TEX11: variants seen among roughly 807,000 people sequenced by gnomAD.
TEX11 encodes the protein testis expressed 11, also known as testis-expressed protein 11.
TEX11 carries 7 observed loss-of-function variants against 84.4 expected under a neutral mutation model. The ratio of observed to expected loss-of-function variants is 0.08; its 90% confidence interval spans 0.05 to 0.16. The LOEUF (loss-of-function observed/expected upper bound fraction) is 0.16. TEX11 is among the 10% of genes least tolerant of loss of function. TEX11 has a pLI of 1.00. For missense variants in TEX11, 551 were observed against 660.5 expected (o/e 0.83, Z 1.82); for synonymous variants, 264 against 222.8 (o/e 1.18, Z -1.64).
At position 70,607,043 on chromosome X, in the gene TEX11, T is replaced by C; in HGVS notation, c.1880-14A>G. On this transcript the variant is annotated splice_polypyrimidine_tract_variant and intron_variant, in intron 22 of 29. Transcript: ENST00000374333. ...CCAAGTTCCAAGCTGGAAATTAACA[T>C]GAAATAACATAATAATATGAAATTA... 8.7e-7 allele frequency: 1 copy of C among 1,149,288 alleles called. No homozygotes were observed. Among genetic ancestry groups the C allele is most frequent in the African/African-American group, 1.8e-5 (1 of 56,133 alleles). 94.7% of individuals were successfully genotyped at this position (1,149,288 alleles called of 1,213,427 possible).
intron 25 of TEX11, among the ~76,000 whole-genome samples, chrX:70,572,523 A>G (rs1253887079): frequency 6.3e-5 from 7 of 111,145 alleles, no homozygotes; most frequent in Non-Finnish European, 1.3e-4. Context: ...AAGATTTTAA[A>G]TCATGCTGCT....
chrX:70,684,747 C>T (rs1348126927), intron 13 of TEX11, among the ~76,000 whole-genome samples: 1 of 111,865 alleles, frequency 8.9e-6, no homozygotes, highest in Admixed American at 9.5e-5. Flanking sequence ...TCTACAAATG[C>T]AAGGAAATCC....
At chrX:70,815,474 G>A (rs1281183019) in intron 8 of TEX11, among the ~76,000 whole-genome samples, 4 of 111,074 alleles carry the variant, frequency 3.6e-5, no homozygotes, top group Admixed American at 1.9e-4. Context: ...AGAAGGGTGA[G>A]TATAATAAAA....
At chrX:70,568,577 G>A (rs191518599) in intron 25 of TEX11, among the ~76,000 whole-genome samples, 44 of 110,167 alleles carry the variant, frequency 4.0e-4, no homozygotes, top group Non-Finnish European at 5.7e-4. Context: ...TGCTTCCTTC[G>A]GGAGCTCTTT....
At chrX:70,724,169 C>T in intron 12 of TEX11, 2 of 752,860 alleles carry the variant, frequency 2.7e-6, no homozygotes, top group Non-Finnish European at 3.1e-6. Flanking sequence ...CCTATGTTGT[C>T]TTAGTTGGAG....
intron 20 of TEX11, among the ~76,000 whole-genome samples, chrX:70,617,949 T>C (rs1487643222): frequency 8.9e-6 from 1 of 112,179 alleles, no homozygotes; most frequent in African/African-American, 3.2e-5. Context: ...CTATAAACAG[T>C]TCTCAACTGA....
At chrX:70,518,116 A>G in the TEX11 span, among the ~76,000 whole-genome samples, 7,133 of 106,623 alleles carry the variant, frequency 0.067, 394 homozygotes, top group African/African-American at 0.18. Context: ...TTGTGTCTCT[A>G]TCTCCTTCAG....
chrX:70,577,991 G>C (rs112485036), intron 25 of TEX11, among the ~76,000 whole-genome samples: 1,414 of 111,359 alleles, frequency 0.013, 22 homozygotes, highest in African/African-American at 0.039. Context: ...GCCTCCCAAA[G>C]TGCTGGGATT....
intron 7 of TEX11, among the ~76,000 whole-genome samples, chrX:70,839,128 G>A (rs187805797): frequency 6.1e-4 from 69 of 112,421 alleles, no homozygotes; most frequent in Non-Finnish European, 5.4e-4. Context: ...CTCTCTGACA[G>A]CTTTGAAGAG....
chrX:70,817,814 AG>A (rs1356321926), intron 8 of TEX11, among the ~76,000 whole-genome samples: 1 of 111,435 alleles, frequency 9.0e-6, no homozygotes, highest in Admixed American at 9.6e-5. Context: ...AGGAAAAAAA[AG>A]GAAAGGAAAG....
At chrX:70,678,489 C>A (rs1301764708) in intron 15 of TEX11, among the ~76,000 whole-genome samples, 1 of 109,303 alleles carries the variant, frequency 9.1e-6, no homozygotes, top group Admixed American at 9.7e-5. Flanking sequence ...TTTTATTACA[C>A]CATTAAGTTT....
intron 5 of TEX11, among the ~76,000 whole-genome samples, chrX:70,858,190 C>T (rs933767799): frequency 9.1e-6 from 1 of 109,762 alleles, no homozygotes. Flanking sequence ...TGGCTCACAC[C>T]TGTAATCCCA....
rs372375453 is a variant in TEX11, at chrX:70,725,343, C to T, written c.844G>A (p.Glu282Lys). The change falls in exon 12 of 30, where the codon GAA (glutamate) becomes AAA (lysine). Residue 282 changes from glutamate to lysine, a missense_variant and splice_region_variant. Physicochemically the swap from Glu to Lys is moderately conservative, Grantham distance 56. Transcript: ENST00000374333. ...AAAAGCCCAGGAGAACTTAAATGTT[C>T]CTATTTTAAACAAAGAAATCACAAT... ...ALNAVNLANK[E>K]HLSSPGLFLK... 1.8e-5 allele frequency: 21 copies of T among 1,151,700 alleles called. No individual in the cohort carries two copies. Among genetic ancestry groups the T allele is most frequent in the Admixed American group, 2.3e-5 (1 of 43,119 alleles). 94.9% of individuals were successfully genotyped at this position (1,151,700 alleles called of 1,213,427 possible).
intron 12 of TEX11, among the ~76,000 whole-genome samples, chrX:70,723,660 G>A (rs2090577691): frequency 9.0e-6 from 1 of 111,664 alleles, no homozygotes; most frequent in South Asian, 3.7e-4. Flanking sequence ...AAATATTCCT[G>A]CTGTCAAGGA....
chrX:70,633,788 C>A (rs1051722479), intron 17 of TEX11, among the ~76,000 whole-genome samples: 1 of 110,897 alleles, frequency 9.0e-6, no homozygotes, highest in Non-Finnish European at 1.9e-5. Context: ...CGTGGTGGTG[C>A]ATGCCTGTAA....
chrX:70,548,284 G>A (rs2088164033), intron 28 of TEX11, among the ~76,000 whole-genome samples: 1 of 108,739 alleles, frequency 9.2e-6, no homozygotes, highest in South Asian at 4.2e-4. Context: ...GGGGGGAGTG[G>A]GGAGGGATAG....
intron 8 of TEX11, among the ~76,000 whole-genome samples, chrX:70,816,711 G>A (rs2091288011): frequency 1.1e-5 from 1 of 90,507 alleles, no homozygotes; most frequent in South Asian, 5.9e-4. Context: ...GTGAGACTCT[G>A]TCTCAAAAAA....
intron 9 of TEX11, among the ~76,000 whole-genome samples, chrX:70,781,543 C>T (rs915513753): frequency 1.8e-5 from 2 of 111,414 alleles, no homozygotes; most frequent in Non-Finnish European, 3.8e-5. Context: ...TGTTCCAATC[C>T]ATCTCAAGGA....
intron 13 of TEX11, among the ~76,000 whole-genome samples, chrX:70,699,411 T>C (rs764131292): frequency 9.0e-6 from 1 of 111,240 alleles, no homozygotes; most frequent in East Asian, 2.8e-4. Flanking sequence ...TACACAACAA[T>C]AGATAACCCA....
Sources: allele counts gnomAD v4.1 joint callset (sites outside exome capture counted in the v4.1 genomes callset), GRCh38; gene constraint gnomAD v4.1.1; transcripts MANE v1.5; gene names NCBI Gene and HGNC (gene_info 2026-07-23, HGNC 2026-07-21).